Variants in NETO1 observed in about 807,000 individuals in gnomAD.
The protein encoded by NETO1 is neuropilin and tolloid like 1, also known as neuropilin and tolloid-like protein 1.
A neutral mutation model predicts 61.3 loss-of-function variants in NETO1; 26 were observed. That is an observed-to-expected ratio of 0.42 (90% CI 0.31 to 0.59). The LOEUF (loss-of-function observed/expected upper bound fraction) is 0.59. NETO1 is among the 20% of genes least tolerant of loss of function. NETO1 has a pLI of 0.12. For missense variants in NETO1, 531 were observed against 662.8 expected (o/e 0.80, Z 2.18); for synonymous variants, 225 against 225.8 (o/e 1.00, Z 0.03).
chr18:72,766,937 G>C (rs2071185019), intron 7 of NETO1, among the ~76,000 whole-genome samples: 1 of 152,132 alleles, frequency 6.6e-6, no homozygotes, highest in South Asian at 2.1e-4. Context: ...TGTGTAGTTA[G>C]ACATTACAAT....
At chr18:72,767,322 T>C (rs1386943314) in intron 7 of NETO1, among the ~76,000 whole-genome samples, 1 of 152,180 alleles carries the variant, frequency 6.6e-6, no homozygotes, top group Non-Finnish European at 1.5e-5. Context: ...ATCAGACACA[T>C]TAATATGTAT....
intron 3 of NETO1, among the ~76,000 whole-genome samples, chr18:72,862,778 G>A (rs995664889): frequency 9.9e-5 from 15 of 151,902 alleles, no homozygotes; most frequent in Admixed American, 7.9e-4. Flanking sequence ...ACGCCACCAC[G>A]CCTGGCTCAT....
chr18:72,771,382 GTA>G (rs1374805251), intron 7 of NETO1, among the ~76,000 whole-genome samples: 3 of 152,118 alleles, frequency 2.0e-5, no homozygotes, highest in African/African-American at 7.2e-5. Context: ...AAATGAGGGA[GTA>G]TGTGGTGGGA....
rs1336620050 is a variant in NETO1, at chr18:72,745,259, A to G, written c.*2920T>C. 1 of 152,246 alleles carries G rather than the reference A, an allele frequency of 6.6e-6. No individual in the cohort carries two copies. The highest frequency in any genetic ancestry group is 2.4e-5 in the African/African-American group (1 of 41,472). The allele number at this position is 152,246 out of a possible 1,614,324, so 9.4% of individuals were successfully genotyped here. A position where few individuals can be genotyped will look rare whatever the true frequency, so the allele number is the denominator to read the frequency against. Reference sequence around the variant, plus strand: ...TTAAAATTGGTATGTATATAAAAACATACAAAATAAATCAGATTTCCAAAT... The same window carrying G: ...TTAAAATTGGTATGTATATAAAAACGTACAAAATAAATCAGATTTCCAAAT... On this transcript the variant is annotated 3_prime_UTR_variant, in exon 11 of 11. Transcript: ENST00000327305.
At chr18:72,817,979 A>C (rs888380066) in intron 4 of NETO1, among the ~76,000 whole-genome samples, 1 of 152,188 alleles carries the variant, frequency 6.6e-6, no homozygotes, top group Non-Finnish European at 1.5e-5. Flanking sequence ...TGGAAAGTGG[A>C]TCCTCATGCA....
At chr18:72,769,916 C>G (rs2071298364) in intron 7 of NETO1, among the ~76,000 whole-genome samples, 1 of 151,952 alleles carries the variant, frequency 6.6e-6, no homozygotes, top group Non-Finnish European at 1.5e-5. Flanking sequence ...GTATATATTC[C>G]TAGAGGTAGT....
chr18:72,865,519 T>C, intron 1 of NETO1: 1 of 1,575,748 alleles, frequency 6.3e-7, no homozygotes, highest in Non-Finnish European at 8.7e-7. Flanking sequence ...GTCAATTTAC[T>C]CATGTCACAC....
At chr18:72,855,420 G>C (rs1043524668) in intron 4 of NETO1, among the ~76,000 whole-genome samples, 2 of 152,116 alleles carry the variant, frequency 1.3e-5, no homozygotes, top group African/African-American at 4.8e-5. Flanking sequence ...TGTGGACCTG[G>C]GTAATGACAC....
chr18:72,832,531 T>C (rs573045334), intron 4 of NETO1, among the ~76,000 whole-genome samples: 40 of 152,358 alleles, frequency 2.6e-4, no homozygotes, highest in African/African-American at 9.4e-4. Flanking sequence ...TTAGATTTTA[T>C]TAACCCATAC....
Position 72,756,149 on chromosome 18 carries a change from T to G in NETO1, c.869-2A>C, listed in dbSNP as rs1568173425. The stretch of plus-strand genomic sequence containing the variant: ...AGAATGTGTTGCCTTCACAAGGAGC[T>G]AAAAAGAAGAAGAACAAGACAAAGG... On this transcript the variant is annotated splice_acceptor_variant, in intron 7 of 10. Transcript: ENST00000327305. LOFTEE classifies it high-confidence loss of function. The G allele has an allele frequency of 6.7e-7, 1 of 1,500,546 alleles. No homozygotes were observed. The allele number at this position is 1,500,546 out of a possible 1,614,324, so 93.0% of individuals were successfully genotyped here.
At position 72,832,185 on chromosome 18, in the gene NETO1, T is replaced by C. The variant is rs1330199504; in HGVS notation, c.469+26641A>G. Among the ~76,000 whole-genome samples the C allele has an allele frequency of 2.0e-5, 3 of 152,166 alleles. No homozygotes were observed. The East Asian group carries it at 5.8e-4, about 29-fold the overall frequency. ...TCTTGCTAATTCTCCAATTTCCTAATTCTTAAAATTTGAGGCCATATAAAA... is the reference window on the plus strand; with the variant it reads ...TCTTGCTAATTCTCCAATTTCCTAACTCTTAAAATTTGAGGCCATATAAAA... On this transcript the variant is annotated intron_variant, in intron 4 of 10. Transcript: ENST00000327305.
At chr18:72,818,789 TATTAA>T (rs909716037) in intron 4 of NETO1, among the ~76,000 whole-genome samples, 52 of 152,188 alleles carry the variant, frequency 3.4e-4, no homozygotes, top group African/African-American at 1.1e-3. Context: ...TTCGTTTATC[TATTAA>T]ATTATAGAAA....
intron 4 of NETO1, among the ~76,000 whole-genome samples, chr18:72,817,659 G>A (rs536532244): frequency 5.9e-5 from 9 of 152,338 alleles, no homozygotes; most frequent in African/African-American, 1.7e-4. Context: ...ACCTCTTAGC[G>A]TGAGCTAGGC....
At position 72,820,675 on chromosome 18, in the gene NETO1, G is replaced by T. The variant is rs181356461; in HGVS notation, c.470-26271C>A. The stretch of plus-strand genomic sequence containing the variant: ...ATTAGTGGGTTCAGTGAAGCAAGTG[G>T]TCCTCTCTAACGAGGATGAGCGGCA... On this transcript the variant is annotated intron_variant, in intron 4 of 10. Transcript: ENST00000327305. 5.2e-3 allele frequency among the ~76,000 whole-genome samples: 796 copies of T among 152,336 alleles called. 8 individuals carry two copies. Among genetic ancestry groups the T allele is most frequent in the African/African-American group, 0.018 (740 of 41,580 alleles).
intron 7 of NETO1, among the ~76,000 whole-genome samples, chr18:72,772,715 C>A (rs975511118): frequency 6.8e-5 from 10 of 146,180 alleles, no homozygotes; most frequent in African/African-American, 2.2e-4. Context: ...ATATGATATA[C>A]ACGTGTGTGT....
rs751733491 is a variant in NETO1 at position 72,756,133 on chromosome 18, T to C, written c.883A>G (p.Asn295Asp). Residue 295 changes from asparagine (N) to aspartate (D), a missense_variant, in exon 8 of 11, where the codon AAC becomes GAC. Transcript: ENST00000327305. ...ATGTTACTATGGCAGAAGAATGTGT[T>C]GCCTTCACAAGGAGCTAAAAAGAAG... is the stretch of plus-strand genomic sequence containing the variant. Reference protein sequence around the residue: ...TSFQEPPCEGNTFFCHSNMCI... With the variant: ...TSFQEPPCEGDTFFCHSNMCI... The C allele has an allele frequency of 6.3e-7, 1 of 1,596,634 alleles. No homozygotes were observed. Among genetic ancestry groups the C allele is most frequent in the African/African-American group, 1.3e-5 (1 of 74,654 alleles).
chr18:72,756,953 T>A (rs779389783), intron 7 of NETO1, among the ~76,000 whole-genome samples: 1 of 152,090 alleles, frequency 6.6e-6, no homozygotes, highest in Non-Finnish European at 1.5e-5. Context: ...ATTATTGGAG[T>A]GACAGAATAT....
At position 72,849,282 on chromosome 18, in the gene NETO1, G is replaced by C. The variant is rs112184827; in HGVS notation, c.469+9544C>G. On this transcript the variant is annotated intron_variant, in intron 4 of 10. Coordinates refer to ENST00000327305, the MANE Select transcript of NETO1 (RefSeq NM_138966.5). ...CCAGGATATAATTCTACTAAGCTTT[G>C]TGATTCAACATAACAGATATACCCT... is the stretch of plus-strand genomic sequence containing the variant. Among the ~76,000 whole-genome samples the C allele has an allele frequency of 2.3e-3, 357 of 152,234 alleles. 4 individuals are homozygous for C. Among genetic ancestry groups the C allele is most frequent in the African/African-American group, 8.3e-3 (346 of 41,532 alleles).
intron 7 of NETO1, among the ~76,000 whole-genome samples, chr18:72,777,565 C>G (rs2071596088): frequency 7.1e-6 from 1 of 140,920 alleles, no homozygotes; most frequent in African/African-American, 2.7e-5. Flanking sequence ...ACGTTGAAAC[C>G]CCGTCTCCAC....
Sources: allele counts gnomAD v4.1 joint callset (sites outside exome capture counted in the v4.1 genomes callset), GRCh38; gene constraint gnomAD v4.1.1; transcripts MANE v1.5; gene names NCBI Gene and HGNC (gene_info 2026-07-23, HGNC 2026-07-21).